PDCD11: variants seen among roughly 807,000 people sequenced by gnomAD.
The protein encoded by PDCD11 is protein RRP5 homolog.
A neutral mutation model predicts 198.9 loss-of-function variants in PDCD11; 97 were observed. That is an observed-to-expected ratio of 0.49 (90% CI 0.41 to 0.58). The LOEUF (loss-of-function observed/expected upper bound fraction) is 0.58, where lower values mean the gene tolerates loss of function less well. Ranked by LOEUF, PDCD11 falls within the 20% of genes least tolerant of loss-of-function variation. The pLI is 0.00. For synonymous variants in PDCD11, 893 were observed against 918.0 expected, an observed-to-expected ratio of 0.97 and a Z score of 0.49; for missense variants, 2,102 against 2,312.7, an observed-to-expected ratio of 0.91 and a Z score of 1.87.
At chr10:103,399,086 A>C (rs566723326) in intron 2 of PDCD11, among the ~76,000 whole-genome samples, 1 of 149,428 alleles carries the variant, frequency 6.7e-6, no homozygotes, top group Admixed American at 6.7e-5. Context: ...TGCCATGTTG[A>C]TTAAGGATGG....
Position 103,400,541 on chromosome 10 carries a change from T to A in PDCD11, c.234+13T>A, listed in dbSNP as rs1225825453. The A allele has an allele frequency of 1.9e-6, 3 of 1,606,272 alleles. No individual in the cohort carries two copies. Among genetic ancestry groups the A allele is most frequent in the Non-Finnish European group, 2.5e-6 (3 of 1,177,098 alleles). On this transcript the variant is annotated intron_variant, in intron 3 of 35. Coordinates refer to ENST00000369797, the MANE Select transcript of PDCD11 (RefSeq NM_014976.2). ...CCTTAGTGTTGAGGTTTGTTAAAGT[T>A]GGTTTTCATTTAAACAATCGACCTT...
rs34354196 is a variant in PDCD11, at chr10:103,444,696, C to G, written c.5444+14C>G. On this transcript the variant is annotated intron_variant, in intron 35 of 35. Coordinates refer to ENST00000369797, the MANE Select transcript of PDCD11 (RefSeq NM_014976.2). ...GAAGGACGTCCGGTGAGTGGGGCAG[C>G]TGGCCAAGGCCGAGTTCCTCAGGAG... 0.067 allele frequency: 108,335 copies of G among 1,612,080 alleles called. 4,349 individuals are homozygous for G. The highest frequency in any genetic ancestry group is 0.08 in the Non-Finnish European group (94,918 of 1,179,176).
At position 103,434,019 on chromosome 10, in the gene PDCD11, C is replaced by T. The variant is rs757694323; in HGVS notation, c.3546C>T (p.Leu1182=). 10 of 1,613,618 alleles carry T rather than the reference C, an allele frequency of 6.2e-6. No homozygotes were observed. Among genetic ancestry groups the T allele is most frequent in the African/African-American group, 1.3e-5 (1 of 75,026 alleles). Residue 1182 remains leucine, a synonymous_variant, in exon 23 of 36, where the codon CTC becomes CTT. Transcript: ENST00000369797. ...TCCGGGGGAGAATTCCCTTATTGCT[C>T]ACTTCTCTGAGCTTCAAGGTCAGTG... is the stretch of plus-strand genomic sequence containing the variant. The part of the protein sequence containing the change: ...PDIRGRIPLL[L]TSLSFKVLKH...
Position 103,398,461 on chromosome 10 carries a change from G to A in PDCD11, c.35G>A (p.Gly12Asp), listed in dbSNP as rs368932344. ...ANLEESFPRGGTRKIHKPEKA... is the reference protein window; with the variant it reads ...ANLEESFPRGDTRKIHKPEKA... Reference sequence around the variant, plus strand: ...CTGGAAGAAAGCTTCCCCCGAGGAGGTACAAGAAAGATCCACAAACCAGAG... The same window carrying A: ...CTGGAAGAAAGCTTCCCCCGAGGAGATACAAGAAAGATCCACAAACCAGAG... Residue 12 changes from glycine to aspartate, a missense_variant, in exon 2 of 36, where the codon GGT becomes GAT. Physicochemically the swap from Gly to Asp is moderately conservative, Grantham distance 94 (BLOSUM62 -1). Transcript: ENST00000369797. 6.2e-7 allele frequency: 1 copy of A among 1,614,050 alleles called. No homozygotes were observed. The highest frequency in any genetic ancestry group is 8.5e-7 in the Non-Finnish European group (1 of 1,179,920).
At chr10:103,411,039 C>T (rs1337966603) in intron 8 of PDCD11, among the ~76,000 whole-genome samples, 1 of 151,156 alleles carries the variant, frequency 6.6e-6, no homozygotes, top group Non-Finnish European at 1.5e-5. Context: ...TGTGCCACTG[C>T]ACCCCAGCCT....
In PDCD11 at chr10:103,415,130, C is replaced by T. The variant is rs1051853046; in HGVS notation, c.1497C>T (p.Ile499=). 14 of 1,613,956 alleles carry T rather than the reference C, an allele frequency of 8.7e-6. No individual in the cohort carries two copies. The highest frequency in any genetic ancestry group is 2.2e-5 in the East Asian group (1 of 44,888). ...LMKNPEKKYH[I]GDEVKCRVLL... ...AGAATCCGGAGAAGAAGTACCACAT[C>T]GGGGATGAGGTCAAGTGCCGGGTGA... Residue 499 remains isoleucine, a synonymous_variant, in exon 12 of 36, where the codon ATC becomes ATT. Transcript: ENST00000369797.
intron 34 of PDCD11, 136 bp downstream of exon 34, chr10:103,444,204 C>T (rs147491980): frequency 1.2e-5 from 9 of 732,888 alleles, no homozygotes; most frequent in African/African-American, 7.1e-5. Context: ...ATTCTCTGCC[C>T]CTCAGCATAA....
chr10:103,437,983 T>G, intron 25 of PDCD11, 32 bp from the exon 26 acceptor site: 2 of 1,597,402 alleles, frequency 1.3e-6, no homozygotes, highest in African/African-American at 1.3e-5. Flanking sequence ...TGCTGAAAAT[T>G]GAGCGTTTCC....
At chr10:103,399,127 T>G (rs1305820752) in intron 2 of PDCD11, among the ~76,000 whole-genome samples, 1 of 151,382 alleles carries the variant, frequency 6.6e-6, no homozygotes, top group African/African-American at 2.4e-5. Context: ...TTTTTTTTTT[T>G]TTGAGACGAA....
At chr10:103,420,456 G>A (rs551870477) in intron 16 of PDCD11, among the ~76,000 whole-genome samples, 24 of 152,262 alleles carry the variant, frequency 1.6e-4, no homozygotes, top group African/African-American at 5.5e-4. Flanking sequence ...ATTGAGTCCT[G>A]CACTTTCAGA....
At chr10:103,416,086 C>T (rs2031093394) in intron 12 of PDCD11, among the ~76,000 whole-genome samples, 1 of 152,090 alleles carries the variant, frequency 6.6e-6, no homozygotes, top group Non-Finnish European at 1.5e-5. Context: ...GTTGCATCTC[C>T]ATCTTATTTC....
rs145404572 is a variant in PDCD11 at position 103,421,409 on chromosome 10, C to T, written c.2339C>T (p.Ala780Val). 1.4e-4 allele frequency: 222 copies of T among 1,608,854 alleles called. 1 individual carries two copies. The East Asian group carries it at 3.9e-3, about 28-fold the overall frequency. ...SDHFVEGQTV[A>V]AKVTNVDEEK... The stretch of plus-strand genomic sequence containing the variant: ...CACTTTGTTGAGGGCCAGACAGTAG[C>T]GGCAAAGGTGACCAATGTGGATGAG... The change falls in exon 17 of 36, where the codon GCG becomes GTG. Residue 780 changes from alanine to valine, a missense_variant. Ala to Val is a moderately conservative substitution (Grantham distance 64). Coordinates refer to ENST00000369797, the MANE Select transcript of PDCD11 (RefSeq NM_014976.2).
intron 35 of PDCD11, 57 bp from the exon 36 acceptor site, chr10:103,445,321 C>T: frequency 1.3e-6 from 2 of 1,562,826 alleles, no homozygotes; most frequent in South Asian, 1.1e-5. Flanking sequence ...GAGTGCTAGG[C>T]AGGAAGCACG....
At chr10:103,426,785 CAAA>C (rs767245487) in intron 20 of PDCD11, among the ~76,000 whole-genome samples, 1 of 109,780 alleles carries the variant, frequency 9.1e-6, no homozygotes. Flanking sequence ...GACTCCGTTT[CAAA>C]AAAAAAAAAA....
Position 103,406,718 on chromosome 10 carries a change from T to C in PDCD11, c.798T>C (p.Ile266=). ...GTCACTCAGAGGTTTCTACGGCCAT[T>C]GCTACTGAACAGCAGAGCTGGAACC... is the stretch of plus-strand genomic sequence containing the variant. ...SVGHSEVSTA[I]ATEQQSWNLN... Residue 266 remains isoleucine, a synonymous_variant, in exon 7 of 36, where the codon ATT becomes ATC. Transcript: ENST00000369797. 1 of 1,614,216 alleles carries C rather than the reference T, an allele frequency of 6.2e-7. No homozygotes were observed. The highest frequency in any genetic ancestry group is 8.5e-7 in the Non-Finnish European group (1 of 1,180,018).
chr10:103,415,727 C>G (rs145014760), intron 12 of PDCD11, among the ~76,000 whole-genome samples: 1 of 152,236 alleles, frequency 6.6e-6, no homozygotes, highest in East Asian at 1.9e-4. Flanking sequence ...AGAGGTGGAA[C>G]TTGAAAGGAT....
Position 103,426,854 on chromosome 10 carries a change from C to T in PDCD11, c.3306-475C>T, listed in dbSNP as rs577157621. Among the ~76,000 whole-genome samples the T allele has an allele frequency of 6.1e-5, 9 of 148,722 alleles. No homozygotes were observed. In the East Asian group the frequency reaches 1.2e-3, roughly 20 times the overall value. The stretch of plus-strand genomic sequence containing the variant: ...ACCCTGTAATCCCAGCACTTTGGGA[C>T]GATGAGGGAGGTGGAAAACCTGAGC... On this transcript the variant is annotated intron_variant, in intron 20 of 35. Coordinates refer to ENST00000369797, the MANE Select transcript of PDCD11 (RefSeq NM_014976.2).
At chr10:103,424,888 A>G (rs1333916492) in intron 19 of PDCD11, 96 bp from the exon 20 acceptor site, 5 of 1,418,680 alleles carry the variant, frequency 3.5e-6, no homozygotes, top group Non-Finnish European at 4.8e-6. Context: ...TTGGGACCCC[A>G]GAGGGTTTCC....
At chr10:103,422,381 A>G (rs1032366264) in intron 17 of PDCD11, among the ~76,000 whole-genome samples, 1 of 151,622 alleles carries the variant, frequency 6.6e-6, no homozygotes, top group African/African-American at 2.4e-5. Flanking sequence ...GCGCCCGGCC[A>G]AAGTGCACAG....
Sources: allele counts gnomAD v4.1 joint callset (sites outside exome capture counted in the v4.1 genomes callset), GRCh38; gene constraint gnomAD v4.1.1; transcripts MANE v1.5; gene names NCBI Gene and HGNC (gene_info 2026-07-23, HGNC 2026-07-21).